The following PNKD variants were observed in gnomAD, a reference collection of about 807,000 sequenced individuals.
PNKD encodes the protein PNKD metallo-beta-lactamase domain containing.
Under a neutral mutation model 45.3 loss-of-function variants are expected in PNKD, and 36 were observed. The observed-to-expected ratio is 0.80, with a 90% CI of 0.61 to 1.05. The LOEUF is 1.05. Among genes scored for constraint, PNKD ranks in the 50% least tolerant of loss-of-function variants. The pLI is 0.00. For synonymous variants in PNKD, 197 were observed against 210.1 expected (o/e 0.94, Z 0.54); for missense variants, 511 against 506.6 (o/e 1.01, Z -0.08).
chr2:218,281,960 T>G (rs2106213133), intron 2 of PNKD: 2 of 1,598,712 alleles, frequency 1.3e-6, no homozygotes, highest in Non-Finnish European at 1.7e-6. Flanking sequence ...GGGCATCGGG[T>G]GGGTGGGGGG....
intron 2 of PNKD, among the ~76,000 whole-genome samples, chr2:218,318,950 CTTTTTTT>C (rs769001811): frequency 2.0e-5 from 2 of 99,904 alleles, no homozygotes; most frequent in African/African-American, 9.4e-5. Context: ...TTTTTTTTTT[CTTTTTTT>C]TTTTTTTTTT....
intron 2 of PNKD, among the ~76,000 whole-genome samples, chr2:218,285,240 G>A (rs1173259213): frequency 6.6e-6 from 1 of 152,240 alleles, no homozygotes; most frequent in Non-Finnish European, 1.5e-5. Context: ...CAAATGAAGA[G>A]ATTGAGGCAC....
Position 218,340,996 on chromosome 2 carries a change from G to A in PNKD, c.524+210G>A. ...GATCAAGCTTCTGAAGCCCCAGAGGGCAGGGCAGTCATTTCTCTTTCATTT... is the reference window on the plus strand; with the variant it reads ...GATCAAGCTTCTGAAGCCCCAGAGGACAGGGCAGTCATTTCTCTTTCATTT... On this transcript the variant is annotated intron_variant, in intron 5 of 9. Transcript: ENST00000273077. The surrounding 1 kb of genome is among the most constrained non-coding windows in gnomAD (Gnocchi z 4.2). The A allele has an allele frequency of 1.6e-6, 1 of 612,492 alleles. No homozygotes were observed. The highest frequency in any genetic ancestry group is 2.8e-5 in the East Asian group (1 of 35,962). 37.9% of individuals were successfully genotyped at this position (612,492 alleles called of 1,614,324 possible). A position where few individuals can be genotyped will look rare whatever the true frequency, so the allele number is the denominator to read the frequency against.
chr2:218,323,403 C>T (rs1291641965), intron 2 of PNKD: 3 of 1,575,684 alleles, frequency 1.9e-6, no homozygotes, highest in Middle Eastern at 1.7e-4. Flanking sequence ...GCTCATGGCG[C>T]ACAGCCAGCG....
At chr2:218,280,103 C>G in intron 2 of PNKD, 3 of 1,613,962 alleles carry the variant, frequency 1.9e-6, no homozygotes, top group Non-Finnish European at 2.5e-6. Context: ...GCTCTCTCCT[C>G]CCCATCATAG....
chr2:218,341,881 C>A (rs1329868671), intron 6 of PNKD, 100 bp from the exon 7 acceptor site: 3 of 1,009,800 alleles, frequency 3.0e-6, no homozygotes, highest in Non-Finnish European at 4.6e-6. Context: ...TGGAAGCCCA[C>A]TCTCTTGTGA....
chr2:218,273,023 C>T (rs545412823), intron 2 of PNKD: 17 of 1,044,532 alleles, frequency 1.6e-5, no homozygotes, highest in East Asian at 3.4e-5. Flanking sequence ...TGCTCCCTCT[C>T]ACAGAGCTCA....
At chr2:218,287,517 G>A (rs1692617620) in intron 2 of PNKD, among the ~76,000 whole-genome samples, 1 of 152,082 alleles carries the variant, frequency 6.6e-6, no homozygotes, top group Non-Finnish European at 1.5e-5. Context: ...AGACCATCGT[G>A]GCCAACATGG....
intron 2 of PNKD, chr2:218,277,494 A>G (rs778206398): frequency 1.2e-6 from 2 of 1,610,566 alleles, no homozygotes; most frequent in South Asian, 1.1e-5. Flanking sequence ...GCATTAAGCC[A>G]CGTATGAATG....
At chr2:218,302,435 G>A (rs181011251) in intron 2 of PNKD, among the ~76,000 whole-genome samples, 82 of 152,306 alleles carry the variant, frequency 5.4e-4, no homozygotes, top group Admixed American at 4.4e-3. Context: ...GGGATGGGCC[G>A]TGGGGGGTGG....
chr2:218,338,645 G>A (rs368262168), intron 2 of PNKD, among the ~76,000 whole-genome samples: 6 of 151,432 alleles, frequency 4.0e-5, no homozygotes, highest in Admixed American at 2.6e-4. Context: ...CACCACACCC[G>A]GCTAATTTTT....
intron 2 of PNKD, among the ~76,000 whole-genome samples, chr2:218,337,815 A>G (rs1348514987): frequency 6.6e-6 from 1 of 152,124 alleles, no homozygotes; most frequent in Non-Finnish European, 1.5e-5. Context: ...CTGTCCTATC[A>G]GGCTCCACTT....
Position 218,323,454 on chromosome 2 carries a change from G to T in PNKD, c.237-16329G>T, listed in dbSNP as rs773287526. The T allele has an allele frequency of 2.7e-5, 41 of 1,522,236 alleles. No homozygotes were observed. The South Asian group carries it at 4.6e-4, about 17-fold the overall frequency. The allele number at this position is 1,522,236 out of a possible 1,614,324, so 94.3% of individuals were successfully genotyped here. A position where few individuals can be genotyped will look rare whatever the true frequency, so the allele number is the denominator to read the frequency against. On this transcript the variant is annotated intron_variant, in intron 2 of 9. Transcript: ENST00000273077. The stretch of plus-strand genomic sequence containing the variant: ...CGGGTTAGTGCCCGGGCTCCGAAGC[G>T]TGCGGGCTCGGGAGGCGGGCGCGCT...
intron 2 of PNKD, among the ~76,000 whole-genome samples, chr2:218,320,968 A>G (rs549408738): frequency 9.5e-4 from 145 of 152,286 alleles, no homozygotes; most frequent in African/African-American, 3.4e-3. Context: ...CTGGGCCTGC[A>G]TGACTCCCCT....
At chr2:218,322,286 A>C (rs572628641) in intron 2 of PNKD, among the ~76,000 whole-genome samples, 55 of 152,144 alleles carry the variant, frequency 3.6e-4, no homozygotes, top group Non-Finnish European at 6.6e-4. Flanking sequence ...GCTGGAGCCA[A>C]AACAAGCCCA....
intron 2 of PNKD, chr2:218,276,078 A>G (rs763029300): frequency 5.6e-6 from 9 of 1,612,918 alleles, no homozygotes; most frequent in Non-Finnish European, 7.6e-6. Context: ...GAGCCAGTAA[A>G]CCTGGAGAAG....
intron 2 of PNKD, among the ~76,000 whole-genome samples, chr2:218,304,387 A>G (rs2015120): frequency 0.97 from 147,438 of 152,088 alleles, 71,566 homozygotes; most frequent in East Asian, 1. Context: ...CAGGTCATCC[A>G]CCCGCCTCGG....
intron 2 of PNKD, among the ~76,000 whole-genome samples, chr2:218,303,030 G>T (rs1693312237): frequency 6.6e-6 from 1 of 152,028 alleles, no homozygotes; most frequent in Non-Finnish European, 1.5e-5. Context: ...ACTTCTGCCT[G>T]CCAGGTTCAA....
At chr2:218,322,710 G>A (rs1199569049) in intron 2 of PNKD, among the ~76,000 whole-genome samples, 1 of 152,148 alleles carries the variant, frequency 6.6e-6, no homozygotes, top group Non-Finnish European at 1.5e-5. Flanking sequence ...TTGTTTGCTC[G>A]CTTATTTGGT....
Sources: gnomAD v4.1 joint callset for allele counts (sites outside exome capture counted in the v4.1 genomes callset) on GRCh38, gnomAD v4.1.1 for gene constraint, Gnocchi (gnomAD v3.1) non-coding constraint, MANE v1.5 for transcripts, NCBI Gene and HGNC (gene_info 2026-07-23, HGNC 2026-07-21) for gene names.